Variants in DAPK2 observed in about 807,000 individuals in gnomAD.
DAPK2 encodes the protein death associated protein kinase 2.
DAPK2 carries 35 observed loss-of-function variants against 44.1 expected under a neutral mutation model. That is an observed-to-expected ratio of 0.79 (90% CI 0.61 to 1.05). The LOEUF (loss-of-function observed/expected upper bound fraction) is 1.05, where lower values mean the gene tolerates loss of function less well. Among genes scored for constraint, DAPK2 ranks in the 50% least tolerant of loss-of-function variants. DAPK2 has a pLI of 0.00. For missense variants in DAPK2, 453 were observed against 483.2 expected (o/e 0.94, Z 0.59); for synonymous variants, 174 against 182.6 (o/e 0.95, Z 0.38).
chr15:64,014,324 G>A (rs1051600989), intron 1 of DAPK2, among the ~76,000 whole-genome samples: 4 of 152,238 alleles, frequency 2.6e-5, no homozygotes. Context: ...TCAGAGACCT[G>A]AGAGCTGTTG....
chr15:64,010,465 T>C (rs2079360355), intron 1 of DAPK2, among the ~76,000 whole-genome samples: 1 of 152,236 alleles, frequency 6.6e-6, no homozygotes, highest in East Asian at 1.9e-4. Flanking sequence ...GTTATCAGCA[T>C]AGGTATAGGC....
chr15:63,992,083 G>A (rs967349516), intron 1 of DAPK2, among the ~76,000 whole-genome samples: 4 of 152,068 alleles, frequency 2.6e-5, no homozygotes, highest in Non-Finnish European at 5.9e-5. Flanking sequence ...TCACTTAGCA[G>A]GGCCAAGCTG....
chr15:63,911,710 G>T (rs2078796736), intron 10 of DAPK2, 198 bp downstream of exon 11: 1 of 609,552 alleles, frequency 1.6e-6, no homozygotes. Context: ...TCCCCTCCCG[G>T]CACCACCCAG....
chr15:63,988,388 C>T (rs923414980), intron 1 of DAPK2, among the ~76,000 whole-genome samples: 1 of 152,242 alleles, frequency 6.6e-6, no homozygotes, highest in South Asian at 2.1e-4. Flanking sequence ...TGGCTTAATC[C>T]CCACCCCCCA....
intron 1 of DAPK2, among the ~76,000 whole-genome samples, chr15:64,027,798 T>C (rs917299627): frequency 2.0e-5 from 3 of 152,232 alleles, no homozygotes; most frequent in Admixed American, 6.5e-5. Context: ...CTGATGACAC[T>C]GTAAAGTGAT....
At chr15:64,041,036 A>G (rs902360859), upstream of DAPK2, among the ~76,000 whole-genome samples, 9 of 152,204 alleles carry the variant, frequency 5.9e-5, no homozygotes, top group Admixed American at 5.9e-4. Context: ...ATACTGTAAA[A>G]TCAACTTCAA....
intron 1 of DAPK2, among the ~76,000 whole-genome samples, chr15:63,993,983 T>C (rs1483106609): frequency 6.6e-6 from 1 of 152,176 alleles, no homozygotes; most frequent in Non-Finnish European, 1.5e-5. Flanking sequence ...ATCTGTCACG[T>C]GTCAGCCAAC....
chr15:64,012,933 G>C (rs1475063258), intron 1 of DAPK2, among the ~76,000 whole-genome samples: 3 of 152,148 alleles, frequency 2.0e-5, no homozygotes, highest in African/African-American at 7.2e-5. Flanking sequence ...TATTTATATA[G>C]GGAATGACTG....
chr15:63,931,488 G>A (rs886765740), intron 4 of DAPK2, among the ~76,000 whole-genome samples: 15 of 152,304 alleles, frequency 9.8e-5, no homozygotes, highest in African/African-American at 3.6e-4. Context: ...TCATGTCAGT[G>A]CTGGAAAGTG....
chr15:64,010,781 A>T (rs149008940), intron 1 of DAPK2, among the ~76,000 whole-genome samples: 106 of 152,292 alleles, frequency 7.0e-4, no homozygotes, highest in African/African-American at 2.0e-3. Flanking sequence ...ATTCTTCAGC[A>T]CCTGTCCCAG....
At chr15:64,018,814 T>C (rs2079605364) in intron 1 of DAPK2, among the ~76,000 whole-genome samples, 1 of 152,142 alleles carries the variant, frequency 6.6e-6, no homozygotes, top group Non-Finnish European at 1.5e-5. Context: ...GCAGTTTCTG[T>C]TTTCTGTTGC....
intron 1 of DAPK2, among the ~76,000 whole-genome samples, chr15:63,989,188 C>CAAA (rs55972299): frequency 8.9e-4 from 98 of 109,768 alleles, no homozygotes; most frequent in African/African-American, 2.1e-3. Context: ...ACTTTGTCTC[C>CAAA]AAAAAAAAAA....
chr15:63,981,434 G>A (rs1035011405), intron 2 of DAPK2, among the ~76,000 whole-genome samples: 1 of 152,024 alleles, frequency 6.6e-6, no homozygotes, highest in African/African-American at 2.4e-5. Flanking sequence ...ACTAAGACAA[G>A]GGAAATACTG....
At chr15:63,955,305 T>C (rs1215366679) in intron 3 of DAPK2, among the ~76,000 whole-genome samples, 2 of 152,196 alleles carry the variant, frequency 1.3e-5, no homozygotes, top group African/African-American at 4.8e-5. Flanking sequence ...ACGGCTTTTA[T>C]TGTGTTGAGA....
rs541723476 is a variant in DAPK2, at chr15:63,941,365, G to A, written c.454-2004C>T. On this transcript the variant is annotated intron_variant, in intron 3 of 10. Coordinates refer to ENST00000261891, the Ensembl canonical transcript of DAPK2. ...TTTGGCATGCTTTCTCTTGTCCAGC[G>A]GCCCTTTGCTGTTTTTATCATAGCT... Among the ~76,000 whole-genome samples, 16 of 152,276 alleles carry A rather than the reference G, an allele frequency of 1.1e-4. No homozygotes were observed. The East Asian group carries it at 2.3e-3, about 22-fold the overall frequency.
At chr15:63,984,573 C>T (rs34772505) in intron 1 of DAPK2, among the ~76,000 whole-genome samples, 43,673 of 152,124 alleles carry the variant, frequency 0.29, 8,187 homozygotes, top group Non-Finnish European at 0.42. Flanking sequence ...AGTTCAGTGA[C>T]CAGCAGGAGC....
At chr15:64,001,212 C>CA (rs373745530) in intron 1 of DAPK2, among the ~76,000 whole-genome samples, 62,160 of 139,484 alleles carry the variant, frequency 0.45, 14,364 homozygotes, top group Non-Finnish European at 0.53. Flanking sequence ...CACTACCTGC[C>CA]AAAAAAAAAA....
intron 3 of DAPK2, among the ~76,000 whole-genome samples, chr15:63,956,831 C>A (rs952900697): frequency 3.3e-5 from 5 of 152,222 alleles, no homozygotes; most frequent in Admixed American, 2.0e-4. Flanking sequence ...TCGTGATCCA[C>A]CTGCCTCGGC....
chr15:63,997,812 G>A (rs1351061079), intron 1 of DAPK2, among the ~76,000 whole-genome samples: 1 of 152,210 alleles, frequency 6.6e-6, no homozygotes, highest in African/African-American at 2.4e-5. Flanking sequence ...GGAGGTCTCT[G>A]GAAAGGACTC....
Sources: gnomAD v4.1 joint callset for allele counts (sites outside exome capture counted in the v4.1 genomes callset) on GRCh38, gnomAD v4.1.1 for gene constraint, MANE v1.5 for transcripts, NCBI Gene and HGNC (gene_info 2026-07-23, HGNC 2026-07-21) for gene names.